IQCH: variants seen among roughly 807,000 people sequenced by gnomAD.
The protein encoded by IQCH is IQ motif containing H.
A neutral mutation model predicts 117.0 loss-of-function variants in IQCH; 98 were observed. The observed-to-expected ratio is 0.84, with a 90% CI of 0.71 to 0.99. The LOEUF is 0.99. IQCH is among the 50% of genes least tolerant of loss of function. IQCH has a pLI of 0.00. For missense variants in IQCH, 1,102 were observed against 1,243.8 expected (o/e 0.89, Z 1.72); for synonymous variants, 412 against 448.2 (o/e 0.92, Z 1.02).
At chr15:67,350,669 A>T (rs1969618821) in intron 6 of IQCH, among the ~76,000 whole-genome samples, 1 of 151,566 alleles carries the variant, frequency 6.6e-6, no homozygotes, top group Admixed American at 6.6e-5. Flanking sequence ...CTCGTGATCC[A>T]CTCGCCTAGG....
intron 6 of IQCH, 49 bp from the exon 7 acceptor site, chr15:67,357,296 C>G: frequency 7.8e-7 from 1 of 1,289,660 alleles, no homozygotes. Flanking sequence ...CAACCAGTGA[C>G]TCAGCCTCTT....
intron 4 of IQCH, among the ~76,000 whole-genome samples, chr15:67,315,229 C>G (rs1025714760): frequency 6.6e-6 from 1 of 152,146 alleles, no homozygotes; most frequent in African/African-American, 2.4e-5. Context: ...TATTAGAAAG[C>G]TACACAGAAT....
intron 4 of IQCH, among the ~76,000 whole-genome samples, chr15:67,294,215 A>G (rs1470583043): frequency 6.6e-6 from 1 of 151,994 alleles, no homozygotes; most frequent in Non-Finnish European, 1.5e-5. Context: ...AGGACCTTCA[A>G]CCCATTGACC....
At chr15:67,254,971 C>A in intron 1 of IQCH, 24 bp downstream of exon 1, 1 of 1,606,558 alleles carries the variant, frequency 6.2e-7, no homozygotes, top group South Asian at 1.1e-5. Flanking sequence ...TTCCCCCGGC[C>A]CTGCCCTGCC....
At chr15:67,449,741 G>GT (rs1174291996) in intron 16 of IQCH, among the ~76,000 whole-genome samples, 1 of 152,182 alleles carries the variant, frequency 6.6e-6, no homozygotes, top group East Asian at 1.9e-4. Context: ...CTTTAAAGTA[G>GT]TTTTTTCCAA....
chr15:67,271,183 T>C (rs1317060708), intron 3 of IQCH, among the ~76,000 whole-genome samples: 1 of 152,214 alleles, frequency 6.6e-6, no homozygotes. Flanking sequence ...CTGGGCAGGC[T>C]GGTCTCGAAC....
chr15:67,487,525 A>G (rs2083524185), intron 18 of IQCH, among the ~76,000 whole-genome samples: 1 of 152,196 alleles, frequency 6.6e-6, no homozygotes, highest in Non-Finnish European at 1.5e-5. Context: ...CAAAAAATTC[A>G]TTAGGAATAA....
chr15:67,344,049 A>C lies in IQCH; in HGVS notation c.509-14A>C. 6.2e-7 allele frequency: 1 copy of C among 1,608,352 alleles called. No homozygotes were observed. The highest frequency in any genetic ancestry group is 8.5e-7 in the Non-Finnish European group (1 of 1,176,672). The stretch of plus-strand genomic sequence containing the variant: ...TTGGAATTAAACTCACATTTTATTA[A>C]TGTTTCTTTTTAGGGATTTTAAGTA... On this transcript the variant is annotated splice_polypyrimidine_tract_variant and intron_variant, in intron 5 of 20. Coordinates refer to ENST00000335894, the MANE Select transcript of IQCH (RefSeq NM_001031715.3).
chr15:67,435,417 T>G (rs1468982762), intron 16 of IQCH, among the ~76,000 whole-genome samples: 2 of 152,146 alleles, frequency 1.3e-5, no homozygotes, highest in East Asian at 1.9e-4. Context: ...AAACCCTGTC[T>G]CTATTAAAAA....
At chr15:67,398,855 A>G (rs1699453456) in intron 13 of IQCH, among the ~76,000 whole-genome samples, 1 of 152,136 alleles carries the variant, frequency 6.6e-6, no homozygotes, top group South Asian at 2.1e-4. Context: ...CAAAAAGCTT[A>G]GTGTTATTTT....
At chr15:67,347,927 A>G (rs1356545467) in intron 6 of IQCH, among the ~76,000 whole-genome samples, 2 of 149,286 alleles carry the variant, frequency 1.3e-5, no homozygotes, top group African/African-American at 2.4e-5. Context: ...TTTTATATAT[A>G]TTACATCATG....
intron 13 of IQCH, among the ~76,000 whole-genome samples, chr15:67,396,469 G>T (rs1391663421): frequency 6.6e-6 from 1 of 152,168 alleles, no homozygotes; most frequent in African/African-American, 2.4e-5. Flanking sequence ...GATAGTCAGG[G>T]TCTAAAACAT....
At chr15:67,261,781 T>C (rs1303675104) in intron 2 of IQCH, among the ~76,000 whole-genome samples, 1 of 152,160 alleles carries the variant, frequency 6.6e-6, no homozygotes, top group Admixed American at 6.5e-5. Context: ...TGGAATTTAC[T>C]GAGATTCTAA....
intron 4 of IQCH, among the ~76,000 whole-genome samples, chr15:67,305,714 T>C (rs140693279): frequency 0.016 from 2,415 of 152,230 alleles, 27 homozygotes; most frequent in Middle Eastern, 0.037. Context: ...GAACTTTTTC[T>C]GATGAGTACT....
chr15:67,393,166 G>A lies in IQCH; in HGVS notation c.1633-2125G>A, dbSNP rs1971343231. 6.6e-6 allele frequency among the ~76,000 whole-genome samples: 1 copy of A among 152,196 alleles called. No homozygotes were observed. Among genetic ancestry groups the A allele is most frequent in the South Asian group, 2.1e-4 (1 of 4,832 alleles). On this transcript the variant is annotated intron_variant, in intron 12 of 20. Transcript: ENST00000335894. This position sits in a 1 kb window ranked among gnomAD's most constrained non-coding sequence, Gnocchi z 5.5. Reference sequence around the variant, plus strand: ...ATTTCAGAGCTGAAAGGACCCTAGAGACTTCTAATCCAACCCCTCATTTGA... The same window carrying A: ...ATTTCAGAGCTGAAAGGACCCTAGAAACTTCTAATCCAACCCCTCATTTGA...
chr15:67,477,198 G>A (rs1440451543), intron 18 of IQCH, among the ~76,000 whole-genome samples: 3 of 151,642 alleles, frequency 2.0e-5, no homozygotes, highest in Non-Finnish European at 4.4e-5. Context: ...TTACGGGCAC[G>A]TGCAACCATG....
chr15:67,499,845 T>G (rs764540321), intron 20 of IQCH, among the ~76,000 whole-genome samples: 1 of 152,166 alleles, frequency 6.6e-6, no homozygotes, highest in Non-Finnish European at 1.5e-5. Context: ...AACATTATGC[T>G]AGGTAAAAAG....
At position 67,459,168 on chromosome 15, in the gene IQCH, C is replaced by G. The variant is rs1159252391; in HGVS notation, c.2506-5959C>G. Among the ~76,000 whole-genome samples the G allele has an allele frequency of 2.0e-5, 3 of 152,096 alleles. No homozygotes were observed. The highest frequency in any genetic ancestry group is 4.4e-5 in the Non-Finnish European group (3 of 68,002). On this transcript the variant is annotated intron_variant, in intron 16 of 20. Transcript: ENST00000335894. The surrounding 1 kb of genome is among the most constrained non-coding windows in gnomAD (Gnocchi z 4.2). Reference sequence around the variant, plus strand: ...CTGGGGCCTTTAGTGGGTCATTTATCCTGTCTGAAATCTCTGGTTCTTCTT... The same window carrying G: ...CTGGGGCCTTTAGTGGGTCATTTATGCTGTCTGAAATCTCTGGTTCTTCTT...
chr15:67,262,050 C>T (rs1269430520), intron 2 of IQCH, among the ~76,000 whole-genome samples: 1 of 151,832 alleles, frequency 6.6e-6, no homozygotes, highest in Admixed American at 6.6e-5. Context: ...GATTTCCCCA[C>T]TGCATTTCAG....
Sources: gnomAD v4.1 joint callset for allele counts (sites outside exome capture counted in the v4.1 genomes callset) on GRCh38, gnomAD v4.1.1 for gene constraint, Gnocchi (gnomAD v3.1) non-coding constraint, MANE v1.5 for transcripts, NCBI Gene and HGNC (gene_info 2026-07-23, HGNC 2026-07-21) for gene names.